C1orf141: variants seen among roughly 807,000 people sequenced by gnomAD.
C1orf141 encodes the protein chromosome 1 open reading frame 141, also known as uncharacterized protein C1orf141.
A neutral mutation model predicts 23.2 loss-of-function variants in C1orf141; 19 were observed. The ratio of observed to expected loss-of-function variants is 0.82; its 90% CI spans 0.57 to 1.20. C1orf141 has a LOEUF of 1.20. Among genes scored for constraint, C1orf141 ranks in the 50% most tolerant of loss-of-function variants. The pLI is 0.00. For missense variants in C1orf141, 469 were observed against 455.1 expected (o/e 1.03, Z -0.28); for synonymous variants, 153 against 154.6 (o/e 0.99, Z 0.08).
At chr1:67,120,893 G>A (rs1646285831) in intron 4 of C1orf141, among the ~76,000 whole-genome samples, 1 of 152,164 alleles carries the variant, frequency 6.6e-6, no homozygotes, top group South Asian at 2.1e-4. Context: ...TGAAAGCCTG[G>A]GGATCCTTCG....
rs572846392 is a variant in C1orf141 at position 67,140,717 on chromosome 1, C to T, written c.-103-9490G>A. 7.8e-4 allele frequency among the ~76,000 whole-genome samples: 119 copies of T among 152,044 alleles called. 1 individual carries two copies. The South Asian group carries it at 0.019, about 25-fold the overall frequency. On this transcript the variant is annotated intron_variant, in intron 1 of 7. Transcript: ENST00000371007. ...TCATAGAAATGAACAAAACTTGTAA[C>T]GATGATTTTTATTTAATATTTTTTA... is the stretch of plus-strand genomic sequence containing the variant.
At chr1:67,128,078 G>A (rs1011823011) in intron 2 of C1orf141, among the ~76,000 whole-genome samples, 4 of 152,138 alleles carry the variant, frequency 2.6e-5, no homozygotes, top group African/African-American at 9.7e-5. Flanking sequence ...GCATGTAGCA[G>A]GCAATTAGTC....
At chr1:67,116,053 A>G (rs1476881317) in intron 4 of C1orf141, among the ~76,000 whole-genome samples, 3 of 152,214 alleles carry the variant, frequency 2.0e-5, no homozygotes, top group Non-Finnish European at 4.4e-5. Context: ...ACTGTTGTCT[A>G]TAGGCCAATG....
At chr1:67,109,022 A>G (rs958807244) in intron 5 of C1orf141, among the ~76,000 whole-genome samples, 1 of 152,140 alleles carries the variant, frequency 6.6e-6, no homozygotes, top group Non-Finnish European at 1.5e-5. Flanking sequence ...AAACAGTATG[A>G]AAATACCTTA....
At chr1:67,097,781 G>A (rs1430430418) in intron 5 of C1orf141, among the ~76,000 whole-genome samples, 1 of 152,142 alleles carries the variant, frequency 6.6e-6, no homozygotes, top group Non-Finnish European at 1.5e-5. Flanking sequence ...TTGTCTAGAT[G>A]AACATGTTGG....
chr1:67,100,402 A>G (rs1029502251), intron 5 of C1orf141, among the ~76,000 whole-genome samples: 17 of 152,278 alleles, frequency 1.1e-4, no homozygotes, highest in African/African-American at 4.1e-4. Context: ...ATTTTAAGTT[A>G]CCTAGTAGCA....
intron 5 of C1orf141, among the ~76,000 whole-genome samples, chr1:67,101,343 A>G (rs1267138397): frequency 6.6e-6 from 1 of 152,164 alleles, no homozygotes; most frequent in Non-Finnish European, 1.5e-5. Flanking sequence ...CAGACTTTGA[A>G]TGCTGCTGAC....
chr1:67,106,532 G>A (rs953764708), intron 5 of C1orf141, among the ~76,000 whole-genome samples: 4 of 151,950 alleles, frequency 2.6e-5, no homozygotes, highest in Non-Finnish European at 5.9e-5. Flanking sequence ...GGTGGCACAC[G>A]TCTGTAGTCC....
chr1:67,100,837 T>C (rs561139459), intron 5 of C1orf141, among the ~76,000 whole-genome samples: 169 of 152,316 alleles, frequency 1.1e-3, no homozygotes, highest in Non-Finnish European at 1.7e-3. Flanking sequence ...CCTTATATTA[T>C]GAGTTCAGGC....
At chr1:67,127,997 A>G (rs1558206130) in intron 2 of C1orf141, among the ~76,000 whole-genome samples, 1 of 152,146 alleles carries the variant, frequency 6.6e-6, no homozygotes, top group Non-Finnish European at 1.5e-5. Flanking sequence ...ATGAAAGTAA[A>G]CACAGGGAAC....
chr1:67,096,159 G>C (rs1329414824), intron 6 of C1orf141, 93 bp downstream of exon 6: 75 of 679,190 alleles, frequency 1.1e-4, no homozygotes, highest in Non-Finnish European at 1.6e-4. Flanking sequence ...AAATAATAAG[G>C]CAGAATAAAT....
At chr1:67,093,659 C>A in intron 7 of C1orf141, 55 bp from the exon 8 acceptor site, 3 of 1,355,534 alleles carry the variant, frequency 2.2e-6, no homozygotes, top group South Asian at 1.7e-5. Flanking sequence ...CAAGAAAGCT[C>A]CATATATTTT....
At chr1:67,117,894 C>T (rs1337202776) in intron 4 of C1orf141, among the ~76,000 whole-genome samples, 2 of 152,164 alleles carry the variant, frequency 1.3e-5, no homozygotes, top group South Asian at 4.1e-4. Context: ...TCTATGTGAA[C>T]TTCCATAGAA....
intron 2 of C1orf141, among the ~76,000 whole-genome samples, chr1:67,128,272 C>T (rs1265669962): frequency 6.6e-6 from 1 of 152,086 alleles, no homozygotes; most frequent in Non-Finnish European, 1.5e-5. Flanking sequence ...AAACTGAAGG[C>T]CACAGAGTAC....
At chr1:67,114,188 G>A (rs956400331) in intron 5 of C1orf141, among the ~76,000 whole-genome samples, 4 of 151,856 alleles carry the variant, frequency 2.6e-5, no homozygotes, top group African/African-American at 7.3e-5. Flanking sequence ...GGGTGAACTA[G>A]AATAGTTAAG....
chr1:67,095,697 T>C, intron 6 of C1orf141: 1 of 282,876 alleles, frequency 3.5e-6, no homozygotes, highest in Non-Finnish European at 6.5e-6. Context: ...ACACCAAAGG[T>C]AGAGAGGTAT....
At chr1:67,108,914 T>TA (rs1441854975) in intron 5 of C1orf141, among the ~76,000 whole-genome samples, 1 of 152,096 alleles carries the variant, frequency 6.6e-6, no homozygotes, top group African/African-American at 2.4e-5. Flanking sequence ...GGCCATAATT[T>TA]AAAAATTTTT....
intron 5 of C1orf141, among the ~76,000 whole-genome samples, chr1:67,103,594 A>G (rs1645855926): frequency 6.6e-6 from 1 of 152,104 alleles, no homozygotes; most frequent in Non-Finnish European, 1.5e-5. Context: ...ACAAACCTTC[A>G]CAAGTTAAAA....
At chr1:67,140,792 T>G (rs952856750) in intron 1 of C1orf141, among the ~76,000 whole-genome samples, 6 of 152,196 alleles carry the variant, frequency 3.9e-5, no homozygotes, top group African/African-American at 1.4e-4. Flanking sequence ...ATCTATTTAT[T>G]GAATTCTCAC....
Sources: gnomAD v4.1 joint callset for allele counts (sites outside exome capture counted in the v4.1 genomes callset) on GRCh38, gnomAD v4.1.1 for gene constraint, MANE v1.5 for transcripts, NCBI Gene and HGNC (gene_info 2026-07-23, HGNC 2026-07-21) for gene names.